TMTC2: variants seen among roughly 807,000 people sequenced by gnomAD.
The protein encoded by TMTC2 is transmembrane O-mannosyltransferase targeting cadherins 2.
TMTC2 carries 43 observed loss-of-function variants against 82.4 expected under a neutral mutation model. The observed-to-expected ratio is 0.52, with a 90% CI of 0.41 to 0.67. The LOEUF is 0.67. Ranked by LOEUF, TMTC2 falls within the 30% of genes least tolerant of loss-of-function variation. The pLI is 0.00. For missense variants in TMTC2, 919 were observed against 1,012.4 expected, an observed-to-expected ratio of 0.91 and a Z score of 1.25; for synonymous variants, 408 against 381.9, an observed-to-expected ratio of 1.07 and a Z score of -0.80.
intron 4 of TMTC2, among the ~76,000 whole-genome samples, chr12:82,964,548 T>C (rs1878100546): frequency 6.6e-6 from 1 of 152,162 alleles, no homozygotes; most frequent in African/African-American, 2.4e-5. Flanking sequence ...CTCTTTTTGC[T>C]ATTGAGCCAG....
intron 1 of TMTC2, among the ~76,000 whole-genome samples, chr12:82,735,491 G>A (rs181505878): frequency 0.011 from 1,622 of 151,770 alleles, 15 homozygotes; most frequent in South Asian, 0.019. Flanking sequence ...GACTACAGGC[G>A]CCCGCCACCA....
At chr12:83,011,379 G>C (rs1281718098) in intron 8 of TMTC2, among the ~76,000 whole-genome samples, 1 of 152,074 alleles carries the variant, frequency 6.6e-6, no homozygotes. Context: ...GCATTTTCTT[G>C]TTGAGCAGTT....
intron 1 of TMTC2, among the ~76,000 whole-genome samples, chr12:82,772,396 C>A (rs1877355278): frequency 6.6e-6 from 1 of 152,156 alleles, no homozygotes; most frequent in Non-Finnish European, 1.5e-5. Flanking sequence ...ACTGTTTTAT[C>A]TAATGTTGTA....
At chr12:82,927,377 T>A (rs2137238078) in intron 3 of TMTC2, among the ~76,000 whole-genome samples, 1 of 152,326 alleles carries the variant, frequency 6.6e-6, no homozygotes, top group East Asian at 1.9e-4. Flanking sequence ...TGAATTGCTG[T>A]AATCTCATGA....
intron 1 of TMTC2, 26 bp from the exon 2 acceptor site, chr12:82,856,984 A>T: frequency 6.4e-7 from 1 of 1,572,700 alleles, no homozygotes; most frequent in East Asian, 2.2e-5. Context: ...TTTACATTTG[A>T]TTTTTTTTAA....
intron 2 of TMTC2, among the ~76,000 whole-genome samples, chr12:82,876,142 G>GTGGTGGTGGTATTAGTAA (rs1872554557): frequency 2.1e-5 from 3 of 145,784 alleles, no homozygotes; most frequent in Admixed American, 6.9e-5. Flanking sequence ...GGTGGTGGTG[G>GTGGTGGTGGTATTAGTAA]TGGTGGTGGT....
intron 1 of TMTC2, among the ~76,000 whole-genome samples, chr12:82,774,181 A>G (rs1877461587): frequency 6.6e-6 from 1 of 152,160 alleles, no homozygotes; most frequent in Non-Finnish European, 1.5e-5. Context: ...ACGCACATAT[A>G]TACACACATG....
At chr12:82,706,597 A>G (rs566298879) in intron 1 of TMTC2, among the ~76,000 whole-genome samples, 1 of 152,298 alleles carries the variant, frequency 6.6e-6, no homozygotes, top group Non-Finnish European at 1.5e-5. Context: ...TATAGGCTGT[A>G]TAGGATTATA....
intron 8 of TMTC2, among the ~76,000 whole-genome samples, chr12:83,012,705 A>G (rs1352335385): frequency 2.0e-5 from 3 of 152,152 alleles, no homozygotes; most frequent in African/African-American, 7.2e-5. Context: ...TAGTCTTGGA[A>G]TGGGAATCTC....
At chr12:82,735,515 T>G (rs1342586606) in intron 1 of TMTC2, among the ~76,000 whole-genome samples, 1 of 151,818 alleles carries the variant, frequency 6.6e-6, no homozygotes, top group Non-Finnish European at 1.5e-5. Flanking sequence ...CCGGCTAATT[T>G]TTTGTATTTT....
chr12:82,930,673 G>A (rs547654527), intron 4 of TMTC2, 128 bp downstream of exon 4: 6 of 542,032 alleles, frequency 1.1e-5, no homozygotes, highest in East Asian at 3.0e-5. Context: ...TGTTAATCAT[G>A]CCTCTGAGAC....
intron 7 of TMTC2, 108 bp from the exon 8 acceptor site, chr12:82,985,817 A>G (rs1010512706): frequency 8.8e-6 from 12 of 1,369,780 alleles, no homozygotes; most frequent in East Asian, 2.3e-5. Flanking sequence ...TACTTCCCAC[A>G]GCATCTGAAA....
intron 9 of TMTC2, among the ~76,000 whole-genome samples, chr12:83,033,132 A>G (rs1881509927): frequency 6.6e-6 from 1 of 152,180 alleles, no homozygotes; most frequent in Non-Finnish European, 1.5e-5. Context: ...ACTCAAAATG[A>G]GGTTCCAAAA....
intron 1 of TMTC2, among the ~76,000 whole-genome samples, chr12:82,809,317 A>G (rs2137047265): frequency 6.6e-6 from 1 of 152,160 alleles, no homozygotes; most frequent in South Asian, 2.1e-4. Context: ...GCATGTGATT[A>G]TAACCTGGTT....
chr12:82,745,878 CAAG>C (rs1033161594), intron 1 of TMTC2, among the ~76,000 whole-genome samples: 2 of 152,098 alleles, frequency 1.3e-5, no homozygotes, highest in African/African-American at 4.8e-5. Context: ...TTCTTAAATT[CAAG>C]AAGTACTGCA....
chr12:83,073,338 A>G (rs1373454481), intron 11 of TMTC2, among the ~76,000 whole-genome samples: 4 of 152,244 alleles, frequency 2.6e-5, no homozygotes, highest in Non-Finnish European at 4.4e-5. Context: ...GTTTCTGCTC[A>G]GAAATCTGCT....
At chr12:83,067,475 T>G (rs1882961279) in intron 11 of TMTC2, among the ~76,000 whole-genome samples, 1 of 151,778 alleles carries the variant, frequency 6.6e-6, no homozygotes, top group African/African-American at 2.4e-5. Context: ...TCAGAGATAT[T>G]TAAGGGTTGC....
At chr12:82,837,099 T>A (rs1263123935) in intron 1 of TMTC2, among the ~76,000 whole-genome samples, 2 of 152,214 alleles carry the variant, frequency 1.3e-5, no homozygotes, top group Admixed American at 6.5e-5. Flanking sequence ...TGACAAAAAC[T>A]GAAGCCTATT....
At chr12:83,098,853 T>C (rs1195079851) in intron 11 of TMTC2, among the ~76,000 whole-genome samples, 2 of 152,178 alleles carry the variant, frequency 1.3e-5, no homozygotes, top group African/African-American at 4.8e-5. Flanking sequence ...CCTGCCCATA[T>C]GTTCTGCTGT....
Sources: allele counts gnomAD v4.1 joint callset (sites outside exome capture counted in the v4.1 genomes callset), GRCh38; gene constraint gnomAD v4.1.1; transcripts MANE v1.5; gene names NCBI Gene and HGNC (gene_info 2026-07-23, HGNC 2026-07-21).